MBOAT1: variants seen among roughly 807,000 people sequenced by gnomAD.
MBOAT1 encodes the protein membrane-bound glycerophospholipid O-acyltransferase 1.
MBOAT1 carries 67 observed loss-of-function variants against 64.4 expected under a neutral mutation model. The observed-to-expected ratio is 1.04, with a 90% confidence interval of 0.85 to 1.27. The LOEUF is 1.27. Ranked by LOEUF, MBOAT1 falls within the 50% of genes most tolerant of loss-of-function variation. The pLI, the probability that MBOAT1 is intolerant of heterozygous loss-of-function variation, is 0.00. For synonymous variants in MBOAT1, 229 were observed against 218.9 expected (o/e 1.05, Z -0.41); for missense variants, 563 against 604.6 (o/e 0.93, Z 0.72).
rs1763467744 is a variant in MBOAT1, at chr6:20,212,386, C to T, written c.-152G>A. On this transcript the variant is annotated 5_prime_UTR_variant, in exon 1 of 13. Transcript: ENST00000324607. Reference sequence around the variant, plus strand: ...GAACGGGAGGCCGGGGAATGCGAACCGGCGCAAACTCTCGAGGCGCAAACT... The same window carrying T: ...GAACGGGAGGCCGGGGAATGCGAACTGGCGCAAACTCTCGAGGCGCAAACT... The T allele has an allele frequency of 3.0e-6, 2 of 667,458 alleles. No homozygotes were observed. Among genetic ancestry groups the T allele is most frequent in the South Asian group, 1.9e-5 (1 of 53,076 alleles). The allele number at this position is 667,458 out of a possible 1,614,324, so 41.3% of individuals were successfully genotyped here. A position where few individuals can be genotyped will look rare whatever the true frequency, so the allele number is the denominator to read the frequency against.
intron 9 of MBOAT1, among the ~76,000 whole-genome samples, chr6:20,116,590 A>C (rs1760326846): frequency 1.3e-5 from 2 of 152,192 alleles, no homozygotes; most frequent in African/African-American, 4.8e-5. Flanking sequence ...TTTTATTTCA[A>C]AACTTCAAGG....
intron 3 of MBOAT1, among the ~76,000 whole-genome samples, chr6:20,150,089 C>CA (rs1398016037): frequency 6.6e-6 from 1 of 152,110 alleles, no homozygotes; most frequent in Non-Finnish European, 1.5e-5. Flanking sequence ...CAGAGCTAAT[C>CA]CTGAGTTTTC....
intron 1 of MBOAT1, among the ~76,000 whole-genome samples, chr6:20,193,152 C>T (rs1762856309): frequency 6.6e-6 from 1 of 151,622 alleles, no homozygotes; most frequent in African/African-American, 2.4e-5. Context: ...ACTACAGGTG[C>T]CCGCCACCGC....
At chr6:20,200,446 C>T (rs1204099153) in intron 1 of MBOAT1, among the ~76,000 whole-genome samples, 1 of 152,162 alleles carries the variant, frequency 6.6e-6, no homozygotes, top group Non-Finnish European at 1.5e-5. Context: ...TTAAAGAGTA[C>T]TGTTTCCAGG....
rs78183744 is a variant in MBOAT1 at position 20,103,293 on chromosome 6, T to C, written c.1362-881A>G. Among the ~76,000 whole-genome samples the C allele has an allele frequency of 2.7e-3, 405 of 152,248 alleles. 7 individuals carry two copies. In the East Asian group the frequency reaches 0.072, roughly 27 times the overall value. Reference sequence around the variant, plus strand: ...TTGTGTAGCCTAGGCTGATGGGTGTTTGTGTCTTAATTTTTAACAAAAAAG... The same window carrying C: ...TTGTGTAGCCTAGGCTGATGGGTGTCTGTGTCTTAATTTTTAACAAAAAAG... On this transcript the variant is annotated intron_variant, in intron 12 of 12. Coordinates refer to ENST00000324607, the MANE Select transcript of MBOAT1 (RefSeq NM_001080480.3).
chr6:20,136,629 C>A (rs1217597781), intron 4 of MBOAT1, among the ~76,000 whole-genome samples: 1 of 152,198 alleles, frequency 6.6e-6, no homozygotes, highest in Non-Finnish European at 1.5e-5. Flanking sequence ...CAAATGATCT[C>A]TATCGCTAGC....
intron 9 of MBOAT1, among the ~76,000 whole-genome samples, chr6:20,117,679 G>T (rs924313126): frequency 6.6e-6 from 1 of 152,156 alleles, no homozygotes; most frequent in Non-Finnish European, 1.5e-5. Context: ...CTCTCCAGTG[G>T]ACTCTGTCTG....
At chr6:20,162,352 G>A (rs1183571334) in intron 1 of MBOAT1, among the ~76,000 whole-genome samples, 4 of 152,270 alleles carry the variant, frequency 2.6e-5, no homozygotes, top group African/African-American at 9.6e-5. Flanking sequence ...GATGCTGGGA[G>A]CCTCGGAGCT....
At chr6:20,112,823 A>G in intron 11 of MBOAT1, 53 bp downstream of exon 11, 4 of 1,577,792 alleles carry the variant, frequency 2.5e-6, no homozygotes, top group Non-Finnish European at 3.4e-6. Flanking sequence ...GATAACAAAC[A>G]TGCAGGCATC....
chr6:20,189,612 C>T (rs1294195797), intron 1 of MBOAT1, among the ~76,000 whole-genome samples: 3 of 152,194 alleles, frequency 2.0e-5, no homozygotes, highest in Non-Finnish European at 2.9e-5. Context: ...CTATCATCAC[C>T]ATGTTGTACA....
chr6:20,175,445 A>T (rs552645625), intron 1 of MBOAT1, among the ~76,000 whole-genome samples: 175 of 150,942 alleles, frequency 1.2e-3, no homozygotes, highest in African/African-American at 4.1e-3. Flanking sequence ...TGTTTTATTT[A>T]TTTATTTATT....
chr6:20,150,106 A>G (rs1561764464), intron 3 of MBOAT1, among the ~76,000 whole-genome samples: 1 of 152,160 alleles, frequency 6.6e-6, no homozygotes, highest in East Asian at 1.9e-4. Context: ...TTTCAGAAAG[A>G]CCATGTGAAA....
intron 9 of MBOAT1, 68 bp downstream of exon 9, chr6:20,118,369 A>T (rs1760391464): frequency 7.8e-7 from 1 of 1,275,578 alleles, no homozygotes; most frequent in Non-Finnish European, 1.1e-6. Flanking sequence ...CATTCTGGGG[A>T]TACAACACTC....
chr6:20,118,252 A>AG (rs1156949944), intron 9 of MBOAT1, among the ~76,000 whole-genome samples, 185 bp downstream of exon 9: 1 of 148,774 alleles, frequency 6.7e-6, no homozygotes, highest in East Asian at 1.9e-4. Context: ...AGATATCTTA[A>AG]AAAAAAAAAA....
chr6:20,130,776 A>G (rs1760801362), intron 5 of MBOAT1, among the ~76,000 whole-genome samples: 1 of 152,164 alleles, frequency 6.6e-6, no homozygotes, highest in Non-Finnish European at 1.5e-5. Flanking sequence ...ATCTTTCATT[A>G]GCTTGTGAGC....
At chr6:20,174,294 C>G (rs1762281506) in intron 1 of MBOAT1, among the ~76,000 whole-genome samples, 2 of 152,266 alleles carry the variant, frequency 1.3e-5, no homozygotes, top group South Asian at 4.1e-4. Flanking sequence ...ATTTCGTCAT[C>G]ATGCAAGCAT....
intron 2 of MBOAT1, among the ~76,000 whole-genome samples, chr6:20,152,353 A>AT: frequency 7.0e-6 from 1 of 143,806 alleles, no homozygotes; most frequent in Admixed American, 6.9e-5. Flanking sequence ...AAATAAATAA[A>AT]TAAATAAATA....
At chr6:20,119,421 A>AC (rs1760427879) in intron 8 of MBOAT1, among the ~76,000 whole-genome samples, 1 of 152,234 alleles carries the variant, frequency 6.6e-6, no homozygotes, top group Non-Finnish European at 1.5e-5. Flanking sequence ...TTTTCTAAGA[A>AC]AAAATTAAAA....
At chr6:20,148,362 A>C (rs1321339192) in intron 3 of MBOAT1, among the ~76,000 whole-genome samples, 2 of 152,148 alleles carry the variant, frequency 1.3e-5, no homozygotes, top group Non-Finnish European at 2.9e-5. Context: ...GGTTGCAGAC[A>C]AGCCAAGACC....
Sources: gnomAD v4.1 joint callset for allele counts (sites outside exome capture counted in the v4.1 genomes callset) on GRCh38, gnomAD v4.1.1 for gene constraint, MANE v1.5 for transcripts, NCBI Gene and HGNC (gene_info 2026-07-23, HGNC 2026-07-21) for gene names.